Variants in SPTLC3 observed in about 807,000 individuals in gnomAD.
SPTLC3 encodes the protein serine palmitoyltransferase 3.
Under a neutral mutation model 59.3 loss-of-function variants are expected in SPTLC3, and 36 were observed. That is an observed-to-expected ratio of 0.61 (90% CI 0.47 to 0.80). The LOEUF is 0.80. SPTLC3 is among the 30% of genes least tolerant of loss of function. The pLI, the probability that SPTLC3 is intolerant of heterozygous loss-of-function variation, is 0.00. For missense variants in SPTLC3, 625 were observed against 685.1 expected, an observed-to-expected ratio of 0.91 and a Z score of 0.98; for synonymous variants, 257 against 240.8, an observed-to-expected ratio of 1.07 and a Z score of -0.62.
intron 9 of SPTLC3, among the ~76,000 whole-genome samples, chr20:13,136,385 T>G (rs779230607): frequency 4.0e-5 from 6 of 151,826 alleles, no homozygotes; most frequent in Non-Finnish European, 2.9e-5. Flanking sequence ...TCACCCGAGC[T>G]CAGAAATTCG....
chr20:13,120,682 G>GA (rs1454497723), intron 8 of SPTLC3, among the ~76,000 whole-genome samples: 4 of 152,042 alleles, frequency 2.6e-5, no homozygotes, highest in South Asian at 2.1e-4. Flanking sequence ...AAAACAAGGA[G>GA]AAAAAAATGG....
intron 9 of SPTLC3, among the ~76,000 whole-genome samples, chr20:13,148,979 T>C (rs1014657307): frequency 6.6e-6 from 1 of 152,246 alleles, no homozygotes; most frequent in Non-Finnish European, 1.5e-5. Flanking sequence ...TAAGCTTATC[T>C]CTAATTTACA....
chr20:13,162,672 G>C (rs2038916627), intron 11 of SPTLC3, among the ~76,000 whole-genome samples: 2 of 152,296 alleles, frequency 1.3e-5, no homozygotes, highest in African/African-American at 2.4e-5. Flanking sequence ...ATGTGTGACA[G>C]TTGCTCATTC....
intron 2 of SPTLC3, among the ~76,000 whole-genome samples, chr20:13,052,354 T>C (rs1258168238): frequency 6.6e-6 from 1 of 152,098 alleles, no homozygotes; most frequent in African/African-American, 2.4e-5. Flanking sequence ...GATACTACAC[T>C]TTTCCCACAG....
intron 9 of SPTLC3, among the ~76,000 whole-genome samples, chr20:13,145,779 T>TA (rs2038496606): frequency 6.6e-6 from 1 of 152,176 alleles, no homozygotes; most frequent in Non-Finnish European, 1.5e-5. Flanking sequence ...ATGATACTGG[T>TA]AAGAAAACAG....
chr20:13,060,328 C>A (rs1429299177), intron 2 of SPTLC3, among the ~76,000 whole-genome samples: 1 of 152,138 alleles, frequency 6.6e-6, no homozygotes, highest in Non-Finnish European at 1.5e-5. Context: ...AGCATAACCA[C>A]TAACCCCATC....
At chr20:13,121,488 AC>A (rs1215341221) in intron 8 of SPTLC3, among the ~76,000 whole-genome samples, 1 of 152,152 alleles carries the variant, frequency 6.6e-6, no homozygotes, top group African/African-American at 2.4e-5. Context: ...CCAAAAGGCC[AC>A]CCTTGCCCTT....
At chr20:13,131,342 G>A (rs2038116581) in intron 9 of SPTLC3, among the ~76,000 whole-genome samples, 1 of 152,070 alleles carries the variant, frequency 6.6e-6, no homozygotes, top group Non-Finnish European at 1.5e-5. Flanking sequence ...GTGGTGCCCG[G>A]CCTGACATCT....
chr20:13,016,766 A>C (rs1985545897), intron 1 of SPTLC3, among the ~76,000 whole-genome samples: 1 of 152,206 alleles, frequency 6.6e-6, no homozygotes, highest in Non-Finnish European at 1.5e-5. Flanking sequence ...TAGCTAATGC[A>C]TGTTGGCCTA....
intron 9 of SPTLC3, among the ~76,000 whole-genome samples, chr20:13,132,550 T>A (rs113841040): frequency 0.018 from 2,804 of 152,276 alleles, 53 homozygotes; most frequent in South Asian, 0.03. Context: ...TTGCCCTCAC[T>A]AAAAGGTAAA....
At chr20:13,144,772 T>C (rs1453072183) in intron 9 of SPTLC3, among the ~76,000 whole-genome samples, 1 of 152,074 alleles carries the variant, frequency 6.6e-6, no homozygotes, top group African/African-American at 2.4e-5. Context: ...TGTGTGTATA[T>C]ATATATACAC....
intron 11 of SPTLC3, among the ~76,000 whole-genome samples, chr20:13,163,691 T>A (rs1318860073): frequency 2.0e-5 from 3 of 151,936 alleles, no homozygotes; most frequent in African/African-American, 7.3e-5. Context: ...TTAATGTCAG[T>A]TTGAAAGATT....
At chr20:13,115,168 A>G (rs1338570528) in intron 7 of SPTLC3, among the ~76,000 whole-genome samples, 2 of 152,222 alleles carry the variant, frequency 1.3e-5, no homozygotes, top group African/African-American at 2.4e-5. Context: ...TGGGAATAAC[A>G]TAGATAGCCT....
At chr20:13,030,411 G>A (rs1267684710) in intron 1 of SPTLC3, among the ~76,000 whole-genome samples, 1 of 152,130 alleles carries the variant, frequency 6.6e-6, no homozygotes, top group Non-Finnish European at 1.5e-5. Flanking sequence ...GAATACGGGG[G>A]CTCCCTGGAG....
intron 1 of SPTLC3, among the ~76,000 whole-genome samples, chr20:13,030,497 T>A (rs530842467): frequency 7.2e-5 from 11 of 152,302 alleles, no homozygotes; most frequent in African/African-American, 1.9e-4. Flanking sequence ...TTTAAACTCA[T>A]CAGTAGCTTC....
intron 6 of SPTLC3, among the ~76,000 whole-genome samples, chr20:13,104,812 A>C (rs182558665): frequency 1.5e-3 from 233 of 152,320 alleles, no homozygotes; most frequent in African/African-American, 5.2e-3. Context: ...TCCGTATCTC[A>C]GAATTTTCTT....
At chr20:13,103,169 T>A (rs1465872253) in intron 6 of SPTLC3, among the ~76,000 whole-genome samples, 1 of 152,214 alleles carries the variant, frequency 6.6e-6, no homozygotes, top group East Asian at 1.9e-4. Flanking sequence ...CTCTGTGATC[T>A]CATGGAGAAC....
chr20:13,114,825 C>T (rs368357023), intron 7 of SPTLC3, among the ~76,000 whole-genome samples: 6 of 152,166 alleles, frequency 3.9e-5, no homozygotes, highest in East Asian at 1.9e-4. Flanking sequence ...TGGTTTAATT[C>T]TCCATCTGCC....
chr20:13,048,942 C>T lies in SPTLC3; in HGVS notation c.118-3C>T, dbSNP rs765661011. On this transcript the variant is annotated splice_polypyrimidine_tract_variant and splice_region_variant and intron_variant, in intron 1 of 11. Transcript: ENST00000399002. ...AACCTTGGATTTTCTTTTGTGTTTT[C>T]AGCAAAATGGGAAGCCACATTTTTA... 4.5e-6 allele frequency: 7 copies of T among 1,543,924 alleles called. No homozygotes were observed. The East Asian group carries it at 1.6e-4, about 35-fold the overall frequency.
Sources: gnomAD v4.1 joint callset for allele counts (sites outside exome capture counted in the v4.1 genomes callset) on GRCh38, gnomAD v4.1.1 for gene constraint, MANE v1.5 for transcripts, NCBI Gene and HGNC (gene_info 2026-07-23, HGNC 2026-07-21) for gene names.